TBC1D5: variants seen among roughly 807,000 people sequenced by gnomAD.
TBC1D5 encodes the protein TBC1 domain family, member 5.
In TBC1D5, 75 loss-of-function variants were observed where a neutral mutation model predicts 100.3. The ratio of observed to expected loss-of-function variants is 0.75; its 90% CI spans 0.62 to 0.91. The LOEUF is 0.91. TBC1D5 is among the 40% of genes least tolerant of loss of function. The probability of loss-of-function intolerance (pLI) is 0.00; values close to 1 mark genes in which losing one functional copy is unlikely to be tolerated. For missense variants in TBC1D5, 910 were observed against 942.4 expected (o/e 0.97, Z 0.45); for synonymous variants, 323 against 325.6 (o/e 0.99, Z 0.09).
intron 13 of TBC1D5, among the ~76,000 whole-genome samples, chr3:17,335,607 T>C (rs2087610600): frequency 6.6e-6 from 1 of 152,144 alleles, no homozygotes; most frequent in Non-Finnish European, 1.5e-5. Context: ...TTAATCTGCT[T>C]TAAAGATTGT....
chr3:17,591,911 T>C (rs779615254), intron 2 of TBC1D5, among the ~76,000 whole-genome samples: 3 of 152,232 alleles, frequency 2.0e-5, no homozygotes, highest in Non-Finnish European at 4.4e-5. Context: ...TACATCCCCA[T>C]TCAACTCTCC....
intron 15 of TBC1D5, among the ~76,000 whole-genome samples, chr3:17,282,575 T>C (rs564321841): frequency 6.6e-6 from 1 of 152,352 alleles, no homozygotes; most frequent in African/African-American, 2.4e-5. Context: ...TGTGTCTCAC[T>C]AAAGGAACCT....
At chr3:17,617,809 C>G (rs1018834614) in intron 2 of TBC1D5, among the ~76,000 whole-genome samples, 1 of 152,086 alleles carries the variant, frequency 6.6e-6, no homozygotes, top group Non-Finnish European at 1.5e-5. Flanking sequence ...AACCTTTTTT[C>G]AAGGTTTTTA....
chr3:17,336,754 A>G (rs1049762807), intron 13 of TBC1D5, among the ~76,000 whole-genome samples: 1 of 152,100 alleles, frequency 6.6e-6, no homozygotes, highest in Non-Finnish European at 1.5e-5. Flanking sequence ...ACAACCCAAA[A>G]AACTCCAAAT....
intron 1 of TBC1D5, among the ~76,000 whole-genome samples, chr3:17,669,915 C>T (rs981312733): frequency 2.0e-5 from 3 of 152,140 alleles, no homozygotes; most frequent in Non-Finnish European, 4.4e-5. Context: ...GATGGAGTTT[C>T]CCTCTTGTTG....
chr3:17,606,313 T>G (rs899820781), intron 2 of TBC1D5, among the ~76,000 whole-genome samples: 1 of 152,098 alleles, frequency 6.6e-6, no homozygotes, highest in Admixed American at 6.6e-5. Context: ...CATGGTGGCA[T>G]GCGCCTGGGG....
chr3:17,501,801 C>T (rs1316665471), intron 3 of TBC1D5, among the ~76,000 whole-genome samples: 1 of 149,472 alleles, frequency 6.7e-6, no homozygotes, highest in Non-Finnish European at 1.5e-5. Flanking sequence ...TAATCACATA[C>T]ATTTACAAGC....
chr3:17,443,605 A>G (rs188150063), intron 3 of TBC1D5, among the ~76,000 whole-genome samples: 4 of 152,320 alleles, frequency 2.6e-5, no homozygotes, highest in East Asian at 1.9e-4. Flanking sequence ...CGTAAACTCT[A>G]AAGTTTTATT....
chr3:17,296,219 A>C (rs1403593827), intron 14 of TBC1D5, among the ~76,000 whole-genome samples: 1 of 152,258 alleles, frequency 6.6e-6, no homozygotes, highest in Non-Finnish European at 1.5e-5. Flanking sequence ...AAATGAGCTA[A>C]CAAAAAAGAA....
In TBC1D5 at chr3:17,346,320, C is replaced by T. The variant is rs186451060; in HGVS notation, c.995+25755G>A. On this transcript the variant is annotated intron_variant, in intron 13 of 21. Transcript: ENST00000253692. Reference sequence around the variant, plus strand: ...TAACCTAATAAGCAAATATGACATACCCTTGCTTTAATTAGCATGGTTTTG... The same window carrying T: ...TAACCTAATAAGCAAATATGACATATCCTTGCTTTAATTAGCATGGTTTTG... Among the ~76,000 whole-genome samples the T allele has an allele frequency of 7.9e-4, 120 of 152,260 alleles. 2 individuals carry two copies. In the East Asian group the frequency reaches 0.012, roughly 15 times the overall value.
chr3:17,588,895 G>A (rs533958993), intron 2 of TBC1D5, among the ~76,000 whole-genome samples: 1 of 152,196 alleles, frequency 6.6e-6, no homozygotes, highest in Admixed American at 6.5e-5. Flanking sequence ...TCTAACTTCC[G>A]TAAGAGCTAA....
At chr3:17,196,901 G>A (rs1049567758) in intron 18 of TBC1D5, among the ~76,000 whole-genome samples, 1 of 152,170 alleles carries the variant, frequency 6.6e-6, no homozygotes, top group Non-Finnish European at 1.5e-5. Context: ...GGGAATAATT[G>A]AGCATAACCC....
chr3:17,364,894 C>A (rs1287494928), intron 13 of TBC1D5, among the ~76,000 whole-genome samples: 1 of 152,068 alleles, frequency 6.6e-6, no homozygotes, highest in East Asian at 1.9e-4. Context: ...AGGTATTGTA[C>A]TCTATATGAT....
At chr3:17,394,922 G>A (rs145360661) in intron 8 of TBC1D5, among the ~76,000 whole-genome samples, 14 of 151,872 alleles carry the variant, frequency 9.2e-5, no homozygotes, top group African/African-American at 3.4e-4. Context: ...ATAAACAGGA[G>A]GTGAATACAG....
At chr3:17,162,954 T>C (rs954085551) in intron 21 of TBC1D5, among the ~76,000 whole-genome samples, 2 of 152,330 alleles carry the variant, frequency 1.3e-5, no homozygotes, top group East Asian at 1.9e-4. Flanking sequence ...GGAATGCTAC[T>C]TGGTGGAGCT....
intron 1 of TBC1D5, among the ~76,000 whole-genome samples, chr3:17,645,588 A>G (rs2064945215): frequency 6.6e-6 from 1 of 152,116 alleles, no homozygotes; most frequent in African/African-American, 2.4e-5. Flanking sequence ...CCATTTCAAC[A>G]AAGTAACACT....
Position 17,214,256 on chromosome 3 carries a change from T to C in TBC1D5, c.1703A>G (p.Asn568Ser), listed in dbSNP as rs770025567. The C allele has an allele frequency of 1.1e-5, 17 of 1,613,530 alleles. No homozygotes were observed. The South Asian group carries it at 1.9e-4, about 18-fold the overall frequency. ...GCTGTGTGAGCGAGAACGTGAGATG[T>C]TGCTAAAAAAGGAATCTTTTTTAGT... Residue 568 changes from asparagine to serine, a missense_variant, in exon 18 of 22, where the codon AAC (asparagine) becomes AGC (serine). Physicochemically the swap from Asn to Ser is conservative, Grantham distance 46 (BLOSUM62 1). Transcript: ENST00000253692.
chr3:17,626,980 G>A (rs1285966008), intron 1 of TBC1D5, among the ~76,000 whole-genome samples: 1 of 152,178 alleles, frequency 6.6e-6, no homozygotes, highest in African/African-American at 2.4e-5. Flanking sequence ...TAAAAGCAAT[G>A]CTTTAGGAAG....
chr3:17,518,839 G>A lies in TBC1D5; in HGVS notation c.-35-10234C>T, dbSNP rs949856174. On this transcript the variant is annotated intron_variant, in intron 2 of 21. Transcript: ENST00000253692. ...GAAGCCCCACCTAGACACTGCTATG[G>A]GGCCCGAAGTTTGCTCCTACTGGAG... 4 of 152,462 alleles carry A rather than the reference G, an allele frequency of 2.6e-5. No individual in the cohort carries two copies. In the East Asian group the frequency reaches 7.7e-4, roughly 29 times the overall value. 9.4% of individuals were successfully genotyped at this position (152,462 alleles called of 1,614,324 possible).
Sources: allele counts gnomAD v4.1 joint callset (sites outside exome capture counted in the v4.1 genomes callset), GRCh38; gene constraint gnomAD v4.1.1; transcripts MANE v1.5; gene names NCBI Gene and HGNC (gene_info 2026-07-23, HGNC 2026-07-21).